IFT80: variants seen among roughly 807,000 people sequenced by gnomAD.
IFT80 encodes the protein intraflagellar transport protein 80 homolog.
A neutral mutation model predicts 107.9 loss-of-function variants in IFT80; 79 were observed. The observed-to-expected ratio is 0.73, with a 90% CI of 0.61 to 0.88. The LOEUF (loss-of-function observed/expected upper bound fraction) is 0.88. Ranked by LOEUF, IFT80 falls within the 40% of genes least tolerant of loss-of-function variation. The pLI, the probability that IFT80 is intolerant of heterozygous loss-of-function variation, is 0.00. For missense variants in IFT80, 797 were observed against 914.2 expected, an observed-to-expected ratio of 0.87 and a Z score of 1.65; for synonymous variants, 299 against 300.9, an observed-to-expected ratio of 0.99 and a Z score of 0.07.
chr3:160,259,306 G>A (rs1360969473), intron 19 of IFT80, among the ~76,000 whole-genome samples: 1 of 152,186 alleles, frequency 6.6e-6, no homozygotes, highest in African/African-American at 2.4e-5. Context: ...TCAGGGACAA[G>A]GTAGGGGATG....
chr3:160,287,983 GGACA>G (rs1003111103), intron 12 of IFT80, among the ~76,000 whole-genome samples: 11 of 152,238 alleles, frequency 7.2e-5, no homozygotes, highest in African/African-American at 2.6e-4. Context: ...AAGAGAATAG[GGACA>G]GACAGAGGGA....
intron 6 of IFT80, among the ~76,000 whole-genome samples, chr3:160,363,233 G>A (rs992050422): frequency 4.3e-4 from 66 of 151,998 alleles, no homozygotes; most frequent in African/African-American, 1.6e-3. Context: ...GACAAACAGA[G>A]AGCCAAATAA....
At chr3:160,265,885 A>C (rs1028293707) in intron 19 of IFT80, among the ~76,000 whole-genome samples, 13 of 152,196 alleles carry the variant, frequency 8.5e-5, no homozygotes, top group African/African-American at 3.1e-4. Context: ...ATATAATCAT[A>C]AGTCTGGCAA....
intron 19 of IFT80, among the ~76,000 whole-genome samples, chr3:160,262,581 T>G (rs1330116309): frequency 6.6e-6 from 1 of 152,176 alleles, no homozygotes; most frequent in Non-Finnish European, 1.5e-5. Context: ...TGCCTTGGTC[T>G]CCCAAAGTGC....
At chr3:160,380,319 A>C (rs1297185660) in intron 3 of IFT80, among the ~76,000 whole-genome samples, 1 of 151,878 alleles carries the variant, frequency 6.6e-6, no homozygotes, top group Non-Finnish European at 1.5e-5. Flanking sequence ...TCTTGACTAA[A>C]CTGATTGACT....
At chr3:160,383,300 T>C (rs1344376557) in intron 2 of IFT80, 8 of 194,164 alleles carry the variant, frequency 4.1e-5, no homozygotes, top group Non-Finnish European at 6.6e-5. Flanking sequence ...ATCTATAAAA[T>C]TGTGTATGGT....
At chr3:160,364,691 T>C (rs1008323927) in intron 6 of IFT80, among the ~76,000 whole-genome samples, 8 of 152,194 alleles carry the variant, frequency 5.3e-5, no homozygotes, top group South Asian at 2.1e-4. Context: ...GATGAGTTCA[T>C]GTCCTTTGCA....
At position 160,342,189 on chromosome 3, in the gene IFT80, T is replaced by C. The variant is rs1197777014; in HGVS notation, c.777+13824A>G. Reference sequence around the variant, plus strand: ...AAAAGAGAGAGTTAATCATTTAGCTTAGACAATTTATTTTGTAGATGAGAA... The same window carrying C: ...AAAAGAGAGAGTTAATCATTTAGCTCAGACAATTTATTTTGTAGATGAGAA... On this transcript the variant is annotated intron_variant, in intron 8 of 19. Transcript: ENST00000326448. Among the ~76,000 whole-genome samples, 2 of 152,154 alleles carry C rather than the reference T, an allele frequency of 1.3e-5. 1 individual carries two copies. Among genetic ancestry groups the C allele is most frequent in the African/African-American group, 4.8e-5 (2 of 41,452 alleles).
chr3:160,304,120 C>A, intron 10 of IFT80, 131 bp from the exon 11 acceptor site: 1 of 677,098 alleles, frequency 1.5e-6, no homozygotes, highest in South Asian at 1.7e-5. Flanking sequence ...TTTATTACAG[C>A]ACTTGGTGCA....
intron 18 of IFT80, among the ~76,000 whole-genome samples, chr3:160,271,940 T>C (rs1713842145): frequency 1.5e-5 from 2 of 137,690 alleles, no homozygotes; most frequent in African/African-American, 5.1e-5. Context: ...TGAAGTCTTA[T>C]CAAAAAAAAA....
chr3:160,395,587 G>A (rs1438670575), intron 1 of IFT80, among the ~76,000 whole-genome samples: 1 of 152,094 alleles, frequency 6.6e-6, no homozygotes, highest in African/African-American at 2.4e-5. Context: ...ATCAATGCTG[G>A]GGAAGAGAAA....
At chr3:160,382,047 G>A (rs1576898792) in intron 2 of IFT80, among the ~76,000 whole-genome samples, 1 of 151,880 alleles carries the variant, frequency 6.6e-6, no homozygotes, top group Non-Finnish European at 1.5e-5. Flanking sequence ...AGACTTAGTA[G>A]ATCAAAAGGT....
At chr3:160,364,356 G>A (rs1219785236) in intron 6 of IFT80, among the ~76,000 whole-genome samples, 1 of 152,044 alleles carries the variant, frequency 6.6e-6, no homozygotes, top group Non-Finnish European at 1.5e-5. Context: ...GGAAACAACA[G>A]TGCTGGAGAA....
intron 19 of IFT80, among the ~76,000 whole-genome samples, chr3:160,266,308 C>A (rs1206226391): frequency 1.3e-5 from 2 of 151,642 alleles, no homozygotes; most frequent in Admixed American, 1.3e-4. Flanking sequence ...ATATAATTTT[C>A]TTCATAGTAA....
At chr3:160,320,611 T>G (rs558494305) in intron 8 of IFT80, among the ~76,000 whole-genome samples, 1 of 152,046 alleles carries the variant, frequency 6.6e-6, no homozygotes, top group South Asian at 2.1e-4. Context: ...TATATGCACT[T>G]GTTTCATTTT....
rs550957801 is a variant in IFT80, at chr3:160,320,800, A to T, written c.778-861T>A. On this transcript the variant is annotated intron_variant, in intron 8 of 19. Transcript: ENST00000326448. ...TTTGTTTGTTTGTTTGTTTTACATT[A>T]TTTTTTTCCAGAAATACTCATTATT... Among the ~76,000 whole-genome samples the T allele has an allele frequency of 1.2e-4, 18 of 151,540 alleles. No individual in the cohort carries two copies. The South Asian group carries it at 3.5e-3, about 30-fold the overall frequency.
chr3:160,384,577 TAA>T lies in IFT80; in HGVS notation c.22_23del (p.Leu8LysfsTer18). 1 of 1,517,112 alleles carries T rather than the reference TAA, an allele frequency of 6.6e-7. No homozygotes were observed. Among genetic ancestry groups the T allele is most frequent in the Non-Finnish European group, 9.2e-7 (1 of 1,092,792 alleles). The allele number at this position is 1,517,112 out of a possible 1,614,324, so 94.0% of individuals were successfully genotyped here. ...TTAAAAGGATATGCTTTGGTTCTTT[TAA>T]AAGAGATATCTTTAGTCTCATGACT... is the stretch of plus-strand genomic sequence containing the variant. MRLKISL[L>X]KEPKHQELVS... On this transcript the variant is annotated frameshift_variant, in exon 2 of 20. Transcript: ENST00000326448. LOFTEE classifies it high-confidence loss of function.
intron 19 of IFT80, among the ~76,000 whole-genome samples, chr3:160,264,397 CTG>C (rs1189659138): frequency 2.6e-5 from 4 of 151,466 alleles, no homozygotes; most frequent in African/African-American, 7.3e-5. Context: ...GAATGAGACT[CTG>C]TGCCTGGCCA....
At chr3:160,361,198 G>A (rs1195052265) in intron 6 of IFT80, among the ~76,000 whole-genome samples, 4 of 151,882 alleles carry the variant, frequency 2.6e-5, no homozygotes, top group Non-Finnish European at 5.9e-5. Flanking sequence ...CCAGGCAAAT[G>A]GAAAGCAAAA....
Sources: gnomAD v4.1 joint callset for allele counts (sites outside exome capture counted in the v4.1 genomes callset) on GRCh38, gnomAD v4.1.1 for gene constraint, MANE v1.5 for transcripts, NCBI Gene and HGNC (gene_info 2026-07-23, HGNC 2026-07-21) for gene names.